LAPTM4A: variants seen among roughly 807,000 people sequenced by gnomAD.
LAPTM4A encodes the protein lysosomal-associated transmembrane protein 4A.
In LAPTM4A, 19 loss-of-function variants were observed where a neutral mutation model predicts 29.9. The observed-to-expected ratio is 0.64, with a 90% confidence interval of 0.44 to 0.93. LAPTM4A has a LOEUF of 0.93. Among genes scored for constraint, LAPTM4A ranks in the 40% least tolerant of loss-of-function variants. LAPTM4A has a pLI of 0.00. For synonymous variants in LAPTM4A, 105 were observed against 102.1 expected (o/e 1.03, Z -0.17); for missense variants, 293 against 288.5 (o/e 1.02, Z -0.11).
chr2:20,046,307 C>A (rs1204924976), intron 1 of LAPTM4A, among the ~76,000 whole-genome samples: 1 of 151,936 alleles, frequency 6.6e-6, no homozygotes, highest in Admixed American at 6.6e-5. Flanking sequence ...ATGCAACAAA[C>A]CTGCACGCTG....
rs16981968 is a variant in LAPTM4A, at chr2:20,049,042, C to T, written c.111+2368G>A. Reference sequence around the variant, plus strand: ...TTCCAGTACTTATTCTGATTAGAATCTGATATTACTGATCACCTTCTCCTC... The same window carrying T: ...TTCCAGTACTTATTCTGATTAGAATTTGATATTACTGATCACCTTCTCCTC... On this transcript the variant is annotated intron_variant, in intron 1 of 6. Coordinates refer to ENST00000175091, the MANE Select transcript of LAPTM4A (RefSeq NM_014713.5). Among the ~76,000 whole-genome samples, 121 of 152,342 alleles carry T rather than the reference C, an allele frequency of 7.9e-4. 4 individuals are homozygous for T. The East Asian group carries it at 0.022, about 28-fold the overall frequency.
At chr2:20,049,449 CTTAAAG>C (rs1196248231) in intron 1 of LAPTM4A, among the ~76,000 whole-genome samples, 1 of 152,196 alleles carries the variant, frequency 6.6e-6, no homozygotes, top group Non-Finnish European at 1.5e-5. Context: ...ACAACAAGGG[CTTAAAG>C]TAGGGAACAG....
Position 20,033,274 on chromosome 2 carries a change from A to G in LAPTM4A, c.633T>C (p.Val211=), listed in dbSNP as rs1369102889. The change falls in exon 7 of 7, where the codon GTT becomes GTC. Residue 211 remains valine, a synonymous_variant. Coordinates refer to ENST00000175091, the MANE Select transcript of LAPTM4A (RefSeq NM_014713.5). ...TCACGGCCATTTCATAGGTTGGCAA[A>G]ACGTACTAAAGAGAGAAAAAAAATT... ...YPAFEAPPQY[V]LPTYEMAVKM... 6.2e-7 allele frequency: 1 copy of G among 1,613,556 alleles called. No individual in the cohort carries two copies. The highest frequency in any genetic ancestry group is 1.1e-5 in the South Asian group (1 of 91,070).
At position 20,051,437 on chromosome 2, in the gene LAPTM4A, C is replaced by A. The variant is rs1326884959; in HGVS notation, c.84G>T (p.Gly28=). 5.6e-6 allele frequency: 9 copies of A among 1,613,392 alleles called. No homozygotes were observed. Among genetic ancestry groups the A allele is most frequent in the Non-Finnish European group, 6.8e-6 (8 of 1,179,634 alleles). ...TGTACCAGGTCCCCAGGATGATCGT[C>A]CCGGTGCGGACATGGCAACAGCCGC... The part of the protein sequence containing the change: ...RCCGCCHVRT[G]TIILGTWYMV... Residue 28 remains glycine, a synonymous_variant, in exon 1 of 7, where the codon GGG becomes GGT. Coordinates refer to ENST00000175091, the MANE Select transcript of LAPTM4A (RefSeq NM_014713.5).
Position 20,035,944 on chromosome 2 carries a change from G to GA in LAPTM4A, c.433-883dup, listed in dbSNP as rs200508524. Reference sequence around the variant, plus strand: ...AAATCCCAAAGGACTGAAAAAAATAGAAAAAAAAAATTTTAAGAACACACT... The same window carrying GA: ...AAATCCCAAAGGACTGAAAAAAATAGAAAAAAAAAAATTTTAAGAACACACT... On this transcript the variant is annotated intron_variant, in intron 4 of 6. Transcript: ENST00000175091. Among the ~76,000 whole-genome samples, 327 of 149,944 alleles carry GA rather than the reference G, an allele frequency of 2.2e-3. 3 individuals carry two copies. The highest frequency in any genetic ancestry group is 2.3e-3 in the Non-Finnish European group (157 of 67,316).
At chr2:20,048,717 G>A (rs1345992005) in intron 1 of LAPTM4A, among the ~76,000 whole-genome samples, 2 of 152,194 alleles carry the variant, frequency 1.3e-5, no homozygotes, top group African/African-American at 4.8e-5. Context: ...TGCCTCACCA[G>A]GAATCAAGCA....
chr2:20,051,583 C>T lies in LAPTM4A; in HGVS notation c.-63G>A, dbSNP rs979661733. ...CAAACGTTCTCCACCCGCAGCCAAA[C>T]TCAAACGGCTGTTTCACGGCCTCCA... is the stretch of plus-strand genomic sequence containing the variant. On this transcript the variant is annotated 5_prime_UTR_variant, in exon 1 of 7. Transcript: ENST00000175091. The T allele has an allele frequency of 1.0e-5, 11 of 1,070,564 alleles. No individual in the cohort carries two copies. In the Admixed American group the frequency reaches 1.3e-4, roughly 13 times the overall value. 66.3% of individuals were successfully genotyped at this position (1,070,564 alleles called of 1,614,324 possible).
In LAPTM4A at chr2:20,032,938, AC is replaced by A; in HGVS notation, c.*266del. ...TGGCAAGTACCCTCTTTCCCTTCCC[AC>A]CCCCCAATTAAAGGCAAACAATGGC... On this transcript the variant is annotated 3_prime_UTR_variant, in exon 7 of 7. Coordinates refer to ENST00000175091, the MANE Select transcript of LAPTM4A (RefSeq NM_014713.5). 9.1e-6 allele frequency: 4 copies of A among 441,704 alleles called. No homozygotes were observed. The highest frequency in any genetic ancestry group is 1.6e-5 in the Non-Finnish European group (4 of 247,120). 27.4% of individuals were successfully genotyped at this position (441,704 alleles called of 1,614,324 possible). A position where few individuals can be genotyped will look rare whatever the true frequency, so the allele number is the denominator to read the frequency against.
At chr2:20,038,803 C>T (rs1213595726) in intron 2 of LAPTM4A, among the ~76,000 whole-genome samples, 2 of 151,930 alleles carry the variant, frequency 1.3e-5, no homozygotes, top group East Asian at 1.9e-4. Flanking sequence ...TATAGCAAGA[C>T]CCTGTATGCA....
chr2:20,033,291 A>T lies in LAPTM4A; in HGVS notation c.628-12T>A. On this transcript the variant is annotated splice_polypyrimidine_tract_variant and intron_variant, in intron 6 of 6. Transcript: ENST00000175091. ...GTTGGCAAAACGTACTAAAGAGAGAAAAAAAATTGTATCAGATTTAATTCT... is the reference window on the plus strand; with the variant it reads ...GTTGGCAAAACGTACTAAAGAGAGATAAAAAATTGTATCAGATTTAATTCT... 6.2e-7 allele frequency: 1 copy of T among 1,603,830 alleles called. No homozygotes were observed. The highest frequency in any genetic ancestry group is 8.5e-7 in the Non-Finnish European group (1 of 1,170,626).
Position 20,034,399 on chromosome 2 carries a change from C to G in LAPTM4A, c.545G>C (p.Cys182Ser). ...GATGTATTTATAGCAGTTCCAAACA[C>G]AGTTAATTAGATAAGCCTGGAAGAA... is the stretch of plus-strand genomic sequence containing the variant. ...FIIFKAYLIN[C>S]VWNCYKYINN... Residue 182 changes from cysteine to serine, a missense_variant, in exon 6 of 7, where the codon TGT becomes TCT. Physicochemically the swap from Cys to Ser is moderately radical, Grantham distance 112. Transcript: ENST00000175091. 1 of 1,612,236 alleles carries G rather than the reference C, an allele frequency of 6.2e-7. No individual in the cohort carries two copies. The highest frequency in any genetic ancestry group is 8.5e-7 in the Non-Finnish European group (1 of 1,178,270).
chr2:20,048,761 A>T (rs1419296618), intron 1 of LAPTM4A, among the ~76,000 whole-genome samples: 1 of 152,218 alleles, frequency 6.6e-6, no homozygotes, highest in Non-Finnish European at 1.5e-5. Flanking sequence ...TAGGGAGGGA[A>T]GTGACATTTA....
intron 1 of LAPTM4A, among the ~76,000 whole-genome samples, chr2:20,044,010 G>A (rs1196314410): frequency 1.3e-5 from 2 of 152,172 alleles, no homozygotes; most frequent in Non-Finnish European, 2.9e-5. Flanking sequence ...GCTATAAAAT[G>A]TTTAGACTTT....
intron 1 of LAPTM4A, among the ~76,000 whole-genome samples, chr2:20,050,386 C>A (rs1158541408): frequency 6.6e-6 from 1 of 152,186 alleles, no homozygotes; most frequent in Non-Finnish European, 1.5e-5. Flanking sequence ...TCCTCTTTTG[C>A]AGTTAAGTAT....
chr2:20,042,029 T>C (rs866888103), intron 1 of LAPTM4A, among the ~76,000 whole-genome samples: 1 of 152,236 alleles, frequency 6.6e-6, no homozygotes, highest in African/African-American at 2.4e-5. Context: ...GATGGACATA[T>C]ATTAAAATGA....
rs761435923 is a variant in LAPTM4A, at chr2:20,051,549, G to T, written c.-29C>A. The T allele has an allele frequency of 6.9e-7, 1 of 1,439,588 alleles. No homozygotes were observed. The highest frequency in any genetic ancestry group is 9.6e-7 in the Non-Finnish European group (1 of 1,045,256). The allele number at this position is 1,439,588 out of a possible 1,614,324, so 89.2% of individuals were successfully genotyped here. ...AACAGGCGGGCCTCCTTCTTGGCCG[G>T]GCCCCTGACAAACGTTCTCCACCCG... On this transcript the variant is annotated 5_prime_UTR_variant, in exon 1 of 7. Transcript: ENST00000175091.
At chr2:20,049,443 C>G (rs1413872277) in intron 1 of LAPTM4A, among the ~76,000 whole-genome samples, 1 of 152,188 alleles carries the variant, frequency 6.6e-6, no homozygotes, top group Non-Finnish European at 1.5e-5. Flanking sequence ...CTTCTCACAA[C>G]AAGGGCTTAA....
chr2:20,051,565 T>C lies in LAPTM4A; in HGVS notation c.-45A>G, dbSNP rs1297322596. 3.2e-6 allele frequency: 4 copies of C among 1,266,084 alleles called. No homozygotes were observed. Among genetic ancestry groups the C allele is most frequent in the South Asian group, 2.6e-5 (2 of 77,152 alleles). 78.4% of individuals were successfully genotyped at this position (1,266,084 alleles called of 1,614,324 possible). A position where few individuals can be genotyped will look rare whatever the true frequency, so the allele number is the denominator to read the frequency against. On this transcript the variant is annotated 5_prime_UTR_variant, in exon 1 of 7. Coordinates refer to ENST00000175091, the MANE Select transcript of LAPTM4A (RefSeq NM_014713.5). ...TCTTGGCCGGGCCCCTGACAAACGTTCTCCACCCGCAGCCAAACTCAAACG... is the reference window on the plus strand; with the variant it reads ...TCTTGGCCGGGCCCCTGACAAACGTCCTCCACCCGCAGCCAAACTCAAACG...
chr2:20,040,881 A>G lies in LAPTM4A; in HGVS notation c.232+10T>C. ...GGGGAGATTTTTTTGTTTTTCTATTAAACACATACCAGCCATTCTCTCAGA... is the reference window on the plus strand; with the variant it reads ...GGGGAGATTTTTTTGTTTTTCTATTGAACACATACCAGCCATTCTCTCAGA... On this transcript the variant is annotated intron_variant, in intron 2 of 6. Transcript: ENST00000175091. 6.2e-7 allele frequency: 1 copy of G among 1,612,712 alleles called. No individual in the cohort carries two copies. The highest frequency in any genetic ancestry group is 8.5e-7 in the Non-Finnish European group (1 of 1,179,072).
Sources: allele counts gnomAD v4.1 joint callset (sites outside exome capture counted in the v4.1 genomes callset), GRCh38; gene constraint gnomAD v4.1.1; transcripts MANE v1.5; gene names NCBI Gene and HGNC (gene_info 2026-07-23, HGNC 2026-07-21).